Variants in TBC1D10A observed in about 807,000 individuals in gnomAD.
The protein encoded by TBC1D10A is TBC1 domain family member 10A.
In TBC1D10A, 24 loss-of-function variants were observed where a neutral mutation model predicts 52.9. That is an observed-to-expected ratio of 0.45 (90% CI 0.33 to 0.64). The LOEUF is 0.64. Ranked by LOEUF, TBC1D10A falls within the 30% of genes least tolerant of loss-of-function variation. TBC1D10A has a pLI of 0.02. For missense variants in TBC1D10A, 602 were observed against 687.9 expected, an observed-to-expected ratio of 0.88 and a Z score of 1.40; for synonymous variants, 278 against 282.9, an observed-to-expected ratio of 0.98 and a Z score of 0.17.
chr22:30,312,103 C>A (rs1930438066), intron 1 of TBC1D10A, among the ~76,000 whole-genome samples: 1 of 152,318 alleles, frequency 6.6e-6, no homozygotes, highest in Admixed American at 6.5e-5. Flanking sequence ...TGAGACTATT[C>A]TCAACAGAAG....
intron 1 of TBC1D10A, among the ~76,000 whole-genome samples, chr22:30,308,926 T>C (rs1457635885): frequency 6.6e-6 from 1 of 152,256 alleles, no homozygotes; most frequent in East Asian, 1.9e-4. Context: ...AAAGGTTGTA[T>C]GACTTGGACA....
At chr22:30,318,100 C>A (rs2145783427) in intron 1 of TBC1D10A, among the ~76,000 whole-genome samples, 1 of 152,260 alleles carries the variant, frequency 6.6e-6, no homozygotes, top group East Asian at 1.9e-4. Context: ...ACTGGTGGTG[C>A]CCCTTGTAAG....
chr22:30,324,403 G>C (rs776751533), intron 1 of TBC1D10A, among the ~76,000 whole-genome samples: 2 of 152,160 alleles, frequency 1.3e-5, no homozygotes, highest in Middle Eastern at 3.2e-3. Flanking sequence ...TGACTGACAG[G>C]CTCCAGAAAG....
chr22:30,307,978 TAG>T (rs2145774758), intron 1 of TBC1D10A: 1 of 152,260 alleles, frequency 6.6e-6, no homozygotes, highest in African/African-American at 2.4e-5. Flanking sequence ...GCATTTTTAG[TAG>T]AGACAGGGTT....
At chr22:30,293,424 C>A (rs2145760486) in intron 8 of TBC1D10A, 5 of 746,606 alleles carry the variant, frequency 6.7e-6, no homozygotes, top group Non-Finnish European at 1.2e-5. Context: ...CATTCTTCTT[C>A]ATTCCCAAGC....
At chr22:30,325,397 G>GGTC (rs1202434742) in intron 1 of TBC1D10A, among the ~76,000 whole-genome samples, 1 of 152,214 alleles carries the variant, frequency 6.6e-6, no homozygotes, top group Admixed American at 6.5e-5. Context: ...GAGAGTCTGG[G>GGTC]GTGACCTTGG....
In TBC1D10A at chr22:30,299,545, GA is replaced by G; in HGVS notation, c.315del (p.Leu106CysfsTer24). Reference protein sequence around the residue: ...KWMAKKHKKIRLRCQKGIPPS... With the variant: ...KWMAKKHKKIXLRCQKGIPPS... ...GGCGGGATGCCCTTTTGGCACCGCA[GA>G]CGAATCTGAAAATCAAAAGGACAGC... On this transcript the variant is annotated frameshift_variant, in exon 3 of 9. Transcript: ENST00000215790. LOFTEE classifies it high-confidence loss of function. 1 of 1,614,050 alleles carries G rather than the reference GA, an allele frequency of 6.2e-7. No individual in the cohort carries two copies. The highest frequency in any genetic ancestry group is 1.1e-5 in the South Asian group (1 of 91,070).
chr22:30,298,552 TGA>T (rs1347603447), intron 3 of TBC1D10A: 2 of 152,146 alleles, frequency 1.3e-5, no homozygotes, highest in Admixed American at 6.5e-5. Context: ...TGAAGAAGCA[TGA>T]GATATGTCAA....
chr22:30,320,338 T>C (rs1930626862), intron 1 of TBC1D10A, among the ~76,000 whole-genome samples: 1 of 152,038 alleles, frequency 6.6e-6, no homozygotes, highest in African/African-American at 2.4e-5. Context: ...AGACCTGCTC[T>C]GCCCTCCATA....
At position 30,292,434 on chromosome 22, in the gene TBC1D10A, C is replaced by A; in HGVS notation, c.1468G>T (p.Ala490Ser). The change falls in exon 9 of 9, where the codon GCC (alanine) becomes TCC (serine). Residue 490 changes from alanine (A) to serine (S), a missense_variant. Coordinates refer to ENST00000215790, the MANE Select transcript of TBC1D10A (RefSeq NM_031937.3). ...AAGCTCTCCTGGGAGCGGTGGTGGG[C>A]TGAGACCTGGGGAGCCAAATCCTGA... ...APQDLAPQVSAHHRSQESLTS... is the reference protein window; with the variant it reads ...APQDLAPQVSSHHRSQESLTS... 1 of 1,598,542 alleles carries A rather than the reference C, an allele frequency of 6.3e-7. No homozygotes were observed. The highest frequency in any genetic ancestry group is 1.1e-5 in the South Asian group (1 of 88,926).
intron 2 of TBC1D10A, among the ~76,000 whole-genome samples, chr22:30,302,736 A>C (rs916501656): frequency 7.2e-5 from 11 of 152,206 alleles, no homozygotes; most frequent in African/African-American, 1.2e-4. Flanking sequence ...CTTGGGCTCT[A>C]ACCACAGTGC....
intron 1 of TBC1D10A, among the ~76,000 whole-genome samples, chr22:30,315,419 C>A (rs187720569): frequency 1.3e-5 from 2 of 152,298 alleles, no homozygotes; most frequent in Non-Finnish European, 2.9e-5. Context: ...CACCGCCACA[C>A]CCAGCTAATT....
Position 30,326,840 on chromosome 22 carries a change from C to T in TBC1D10A, c.42G>A (p.Ala14=). ...GGGTTCCCGACAGGCTTTCCCCGGC[C>T]GCGGGCGCGCGCGGCCCATTCTCTC... ...SNGENGPRAP[A]AGESLSGTRE... Residue 14 remains alanine (A), a synonymous_variant, in exon 1 of 9, where the codon GCG becomes GCA. Transcript: ENST00000215790. 2 of 1,469,120 alleles carry T rather than the reference C, an allele frequency of 1.4e-6. No individual in the cohort carries two copies. The highest frequency in any genetic ancestry group is 8.9e-7 in the Non-Finnish European group (1 of 1,118,144). The allele number at this position is 1,469,120 out of a possible 1,614,324, so 91.0% of individuals were successfully genotyped here.
chr22:30,319,525 G>A (rs183763199), intron 1 of TBC1D10A, among the ~76,000 whole-genome samples: 13 of 152,208 alleles, frequency 8.5e-5, no homozygotes, highest in Non-Finnish European at 1.3e-4. Flanking sequence ...TTCTCTACCT[G>A]AAGAGGTGTT....
At chr22:30,309,546 C>T (rs975960324) in intron 1 of TBC1D10A, among the ~76,000 whole-genome samples, 3 of 152,212 alleles carry the variant, frequency 2.0e-5, no homozygotes, top group Non-Finnish European at 4.4e-5. Context: ...CATTTGCTGG[C>T]AACCCCAGCT....
intron 1 of TBC1D10A, among the ~76,000 whole-genome samples, chr22:30,323,958 G>C (rs1019139683): frequency 8.9e-6 from 1 of 112,666 alleles, no homozygotes; most frequent in Middle Eastern, 4.2e-3. Flanking sequence ...GTGACAGAGC[G>C]AGACTCCGTC....
intron 2 of TBC1D10A, among the ~76,000 whole-genome samples, chr22:30,302,566 G>C (rs747964768): frequency 1.3e-5 from 2 of 152,208 alleles, no homozygotes; most frequent in Non-Finnish European, 2.9e-5. Flanking sequence ...TCCACAGGCA[G>C]GAAGAGCCCC....
At chr22:30,313,968 T>C (rs1930482909) in intron 1 of TBC1D10A, among the ~76,000 whole-genome samples, 1 of 152,166 alleles carries the variant, frequency 6.6e-6, no homozygotes, top group Admixed American at 6.5e-5. Context: ...TTAACTTAAC[T>C]GAATGTCTGT....
chr22:30,320,364 A>T (rs1930628036), intron 1 of TBC1D10A, among the ~76,000 whole-genome samples: 1 of 151,990 alleles, frequency 6.6e-6, no homozygotes, highest in Non-Finnish European at 1.5e-5. Context: ...AGGGGGAGGT[A>T]GCCAGATTCC....
Sources: gnomAD v4.1 joint callset for allele counts (sites outside exome capture counted in the v4.1 genomes callset) on GRCh38, gnomAD v4.1.1 for gene constraint, MANE v1.5 for transcripts, NCBI Gene and HGNC (gene_info 2026-07-23, HGNC 2026-07-21) for gene names.